The following UTS2 variants were observed in gnomAD, a reference collection of about 807,000 sequenced individuals.
The protein encoded by UTS2 is urotensin 2, also known as urotensin-2.
Under a neutral mutation model 12.6 loss-of-function variants are expected in UTS2, and 10 were observed. The observed-to-expected ratio is 0.80, with a 90% CI of 0.49 to 1.35. The LOEUF (loss-of-function observed/expected upper bound fraction) is 1.35. Ranked by LOEUF, UTS2 falls within the 40% of genes most tolerant of loss-of-function variation. UTS2 has a pLI of 0.00. For synonymous variants in UTS2, 52 were observed against 50.0 expected (o/e 1.04, Z -0.17); for missense variants, 142 against 143.2 (o/e 0.99, Z 0.04).
chr1:7,861,483 G>C, the UTS2 span, among the ~76,000 whole-genome samples: 879 of 152,338 alleles, frequency 5.8e-3, 10 homozygotes, highest in African/African-American at 0.02. Context: ...GCAGAGAAGA[G>C]GGCCAGCAGC....
At chr1:7,852,847 A>G in intron 1 of UTS2, 54 bp downstream of exon 1, 1 of 1,543,336 alleles carries the variant, frequency 6.5e-7, no homozygotes, top group Non-Finnish European at 8.7e-7. Context: ...CATTGAATTT[A>G]AGACTAGTAA....
At chr1:7,876,243 G>T in the UTS2 span, among the ~76,000 whole-genome samples, 2 of 152,104 alleles carry the variant, frequency 1.3e-5, no homozygotes, top group South Asian at 4.1e-4. Context: ...GCTGCCACCA[G>T]CATGTGCTTA....
chr1:7,906,850 G>A, the UTS2 span, among the ~76,000 whole-genome samples: 1 of 152,318 alleles, frequency 6.6e-6, no homozygotes, highest in East Asian at 1.9e-4. Flanking sequence ...TAGTGAAGCT[G>A]TGATCAAGGA....
At chr1:7,884,638 C>T in the UTS2 span, among the ~76,000 whole-genome samples, 1 of 152,208 alleles carries the variant, frequency 6.6e-6, no homozygotes, top group Non-Finnish European at 1.5e-5. Context: ...TGGAATATTT[C>T]AATGTCTTGA....
chr1:7,867,124 C>A, the UTS2 span, among the ~76,000 whole-genome samples: 1 of 152,164 alleles, frequency 6.6e-6, no homozygotes, highest in Non-Finnish European at 1.5e-5. Flanking sequence ...CCCGCCTCGG[C>A]CTCCCAGAGT....
chr1:7,901,170 T>C, the UTS2 span, among the ~76,000 whole-genome samples: 4 of 152,200 alleles, frequency 2.6e-5, no homozygotes, highest in Admixed American at 1.3e-4. Context: ...TGTTATCGCA[T>C]GGTAAGCTTT....
chr1:7,894,075 T>C, the UTS2 span, among the ~76,000 whole-genome samples: 1 of 152,006 alleles, frequency 6.6e-6, no homozygotes, highest in Non-Finnish European at 1.5e-5. Context: ...TAAATGGAGA[T>C]GTTTGAACTC....
chr1:7,857,758 G>T (rs552029712), upstream of UTS2, among the ~76,000 whole-genome samples: 1 of 151,558 alleles, frequency 6.6e-6, no homozygotes, highest in South Asian at 2.1e-4. Flanking sequence ...GCTGAGGTGG[G>T]AGGATCGCCT....
chr1:7,859,461 C>A, the UTS2 span, among the ~76,000 whole-genome samples: 7 of 152,148 alleles, frequency 4.6e-5, no homozygotes, highest in African/African-American at 1.7e-4. Flanking sequence ...ACAGGAGAGG[C>A]TCTTTTCCTG....
At chr1:7,856,616 G>A (rs72855281), upstream of UTS2, among the ~76,000 whole-genome samples, 21,294 of 75,822 alleles carry the variant, frequency 0.28, 1,590 homozygotes, top group Middle Eastern at 0.37. Context: ...AGCCCAGGGC[G>A]AGTGCTCGCA....
the UTS2 span, among the ~76,000 whole-genome samples, chr1:7,865,565 C>T: frequency 1.3e-5 from 2 of 152,180 alleles, 1 homozygote; most frequent in Non-Finnish European, 2.9e-5. Flanking sequence ...TGCTTCTTCT[C>T]ATAAGGACAC....
the UTS2 span, among the ~76,000 whole-genome samples, chr1:7,886,180 G>T: frequency 3.4e-4 from 52 of 152,250 alleles, no homozygotes; most frequent in South Asian, 1.2e-3. Context: ...TCCCCGGGAG[G>T]GGGGAGGGCC....
upstream of UTS2, among the ~76,000 whole-genome samples, chr1:7,854,327 G>C (rs1372079192): frequency 1.4e-5 from 2 of 145,056 alleles, no homozygotes; most frequent in African/African-American, 5.1e-5. Flanking sequence ...CTGGGTGACA[G>C]AGCGAGACTC....
chr1:7,899,037 G>A, the UTS2 span, among the ~76,000 whole-genome samples: 5 of 152,164 alleles, frequency 3.3e-5, no homozygotes, highest in Admixed American at 2.6e-4. Context: ...GACAGAAGGT[G>A]AAGGGGAAAC....
At chr1:7,878,848 C>G in the UTS2 span, among the ~76,000 whole-genome samples, 1 of 151,986 alleles carries the variant, frequency 6.6e-6, no homozygotes, top group Admixed American at 6.6e-5. Context: ...AAATGGAAAC[C>G]GAAAGAGCCA....
upstream of UTS2, among the ~76,000 whole-genome samples, chr1:7,858,205 A>AC (rs1638352671): frequency 1.3e-5 from 2 of 152,188 alleles, no homozygotes; most frequent in African/African-American, 4.8e-5. Flanking sequence ...CCTTCAACAG[A>AC]CCATCAATGA....
the UTS2 span, among the ~76,000 whole-genome samples, chr1:7,861,873 C>T: frequency 2.6e-5 from 4 of 151,650 alleles, no homozygotes; most frequent in South Asian, 2.1e-4. Context: ...AGGATTCCCC[C>T]AGGTGCCAAT....
the UTS2 span, among the ~76,000 whole-genome samples, chr1:7,891,589 A>AAAGAAAGAAAGAAAGAAAG: frequency 2.0e-5 from 3 of 150,880 alleles, no homozygotes; most frequent in African/African-American, 4.9e-5. Flanking sequence ...AGAAAGAAAG[A>AAAGAAAGAAAGAAAGAAAG]AAGAAAGAAA....
chr1:7,886,299 A>G, the UTS2 span, among the ~76,000 whole-genome samples: 1 of 152,236 alleles, frequency 6.6e-6, no homozygotes, highest in Admixed American at 6.5e-5. Flanking sequence ...TAAATTATTA[A>G]TACTTATAAA....
Sources: gnomAD v4.1 joint callset for allele counts (sites outside exome capture counted in the v4.1 genomes callset) on GRCh38, gnomAD v4.1.1 for gene constraint, MANE v1.5 for transcripts, NCBI Gene and HGNC (gene_info 2026-07-23, HGNC 2026-07-21) for gene names.